MAST4: variants seen among roughly 807,000 people sequenced by gnomAD.
MAST4 encodes microtubule associated serine/threonine kinase family member 4.
In MAST4, 89 loss-of-function variants were observed where a neutral mutation model predicts 162.7. The observed-to-expected ratio is 0.55, with a 90% confidence interval of 0.46 to 0.65. The LOEUF (loss-of-function observed/expected upper bound fraction) is 0.65, where lower values mean the gene tolerates loss of function less well. Ranked by LOEUF, MAST4 falls within the 30% of genes least tolerant of loss-of-function variation. The pLI is 0.00. For missense variants in MAST4, 3,153 were observed against 3,374.0 expected, an observed-to-expected ratio of 0.93 and a Z score of 1.62; for synonymous variants, 1,479 against 1,361.1, an observed-to-expected ratio of 1.09 and a Z score of -1.91.
At chr5:67,091,035 G>A (rs1395691004) in intron 6 of MAST4, among the ~76,000 whole-genome samples, 7 of 151,658 alleles carry the variant, frequency 4.6e-5, no homozygotes, top group African/African-American at 1.5e-4. Context: ...TCGGTTTATG[G>A]TCTGAATGTC....
intron 1 of MAST4, among the ~76,000 whole-genome samples, chr5:66,629,295 A>G (rs1744646998): frequency 6.6e-6 from 1 of 152,174 alleles, no homozygotes; most frequent in Non-Finnish European, 1.5e-5. Context: ...TGGTTTTGAC[A>G]CTGGTGGTTT....
chr5:66,911,319 T>G (rs1455702460), intron 4 of MAST4, among the ~76,000 whole-genome samples: 1 of 152,188 alleles, frequency 6.6e-6, no homozygotes, highest in Non-Finnish European at 1.5e-5. Context: ...TATGTTTGAT[T>G]TGCATGTGGA....
chr5:66,672,006 A>G (rs1021934050), intron 1 of MAST4, among the ~76,000 whole-genome samples: 8 of 152,222 alleles, frequency 5.3e-5, no homozygotes, highest in Non-Finnish European at 8.8e-5. Context: ...AAACCCACCA[A>G]TGATGTGCAT....
chr5:67,165,501 TTC>T lies in MAST4; in HGVS notation c.6323_6324del (p.Phe2108SerfsTer12). 1 of 1,613,958 alleles carries T rather than the reference TTC, an allele frequency of 6.2e-7. No homozygotes were observed. Among genetic ancestry groups the T allele is most frequent in the Non-Finnish European group, 8.5e-7 (1 of 1,179,900 alleles). On this transcript the variant is annotated frameshift_variant, in exon 29 of 29. Transcript: ENST00000403625. LOFTEE classifies it low-confidence loss of function (END_TRUNC). ...ESEKSEKLSS[F>X]PSLQKDGAKE... ...TGAGAAGAGTGAAAAGCTCTCCAGTTTCCCATCTTTGCAGAAAGATGGTGCCA... is the reference window on the plus strand; with the variant it reads ...TGAGAAGAGTGAAAAGCTCTCCAGTTCCATCTTTGCAGAAAGATGGTGCCA...
chr5:66,814,346 G>A (rs992458189), intron 3 of MAST4, among the ~76,000 whole-genome samples: 27 of 152,018 alleles, frequency 1.8e-4, no homozygotes, highest in African/African-American at 6.3e-4. Context: ...TTATGGCCTC[G>A]GGCAAGCATT....
chr5:66,822,889 CCTGACCAAGGTTGGTAT>C (rs770603443), intron 3 of MAST4, among the ~76,000 whole-genome samples: 2 of 152,168 alleles, frequency 1.3e-5, no homozygotes, highest in Non-Finnish European at 2.9e-5. Flanking sequence ...CTGGAGTCAA[CCTGACCAAGGTTGGTAT>C]CTTATCCCAG....
chr5:67,002,279 T>G (rs1033282871), intron 4 of MAST4, among the ~76,000 whole-genome samples: 1 of 152,204 alleles, frequency 6.6e-6, no homozygotes, highest in Admixed American at 6.5e-5. Flanking sequence ...AATTCAGTAT[T>G]CTTTGAGAAT....
chr5:66,857,241 A>T (rs1011587501), intron 3 of MAST4, among the ~76,000 whole-genome samples: 7 of 152,214 alleles, frequency 4.6e-5, no homozygotes, highest in Admixed American at 1.3e-4. Flanking sequence ...CATTCATTTT[A>T]AGTGCTGGTT....
At chr5:66,876,924 T>C in intron 3 of MAST4, among the ~76,000 whole-genome samples, 1 of 152,224 alleles carries the variant, frequency 6.6e-6, no homozygotes, top group East Asian at 1.9e-4. Context: ...TATCACTGTG[T>C]GGAACCAAGC....
intron 18 of MAST4, among the ~76,000 whole-genome samples, chr5:67,135,237 G>A (rs983681536): frequency 7.9e-5 from 12 of 152,194 alleles, no homozygotes; most frequent in African/African-American, 2.9e-4. Flanking sequence ...TGTTATTTCT[G>A]TAACAGCTGT....
intron 4 of MAST4, chr5:66,917,236 C>T: frequency 2.1e-6 from 1 of 482,862 alleles, no homozygotes; most frequent in Non-Finnish European, 3.7e-6. Flanking sequence ...TCTTCATTTA[C>T]ATTTCTCTTT....
At chr5:66,991,187 T>A (rs1027020061) in intron 4 of MAST4, among the ~76,000 whole-genome samples, 1 of 152,194 alleles carries the variant, frequency 6.6e-6, no homozygotes, top group Non-Finnish European at 1.5e-5. Context: ...GTTCACTGTT[T>A]CCCACTTGTT....
intron 5 of MAST4, among the ~76,000 whole-genome samples, chr5:67,074,091 A>C (rs935476484): frequency 6.6e-6 from 1 of 152,094 alleles, no homozygotes; most frequent in Non-Finnish European, 1.5e-5. Context: ...GTTAAGTCAT[A>C]AAGAGCTTTT....
intron 1 of MAST4, among the ~76,000 whole-genome samples, chr5:66,694,233 G>C (rs1249168325): frequency 1.3e-5 from 2 of 152,168 alleles, no homozygotes; most frequent in African/African-American, 4.8e-5. Flanking sequence ...CCCCAGCTGA[G>C]TCTGAGGTAT....
At chr5:67,132,802 G>A (rs1769150990) in intron 16 of MAST4, among the ~76,000 whole-genome samples, 1 of 151,898 alleles carries the variant, frequency 6.6e-6, no homozygotes, top group Non-Finnish European at 1.5e-5. Flanking sequence ...TACAAAATTT[G>A]AAAAATGCAG....
intron 4 of MAST4, among the ~76,000 whole-genome samples, chr5:66,916,184 C>T (rs151037630): frequency 3.3e-5 from 5 of 152,200 alleles, no homozygotes; most frequent in East Asian, 1.9e-4. Context: ...AATTTTAATG[C>T]GACTACTAGA....
intron 4 of MAST4, among the ~76,000 whole-genome samples, chr5:66,979,341 A>G (rs187954498): frequency 6.6e-6 from 1 of 152,138 alleles, no homozygotes. Context: ...GGCAAAATCC[A>G]CCTTGCTCCT....
intron 3 of MAST4, among the ~76,000 whole-genome samples, chr5:66,835,758 G>A (rs1757921603): frequency 6.6e-6 from 1 of 152,160 alleles, no homozygotes; most frequent in African/African-American, 2.4e-5. Context: ...GCTTTTTAAA[G>A]TGTCTTAGAA....
chr5:66,899,953 G>A lies in MAST4; in HGVS notation c.645G>A (p.Lys215=). The change falls in exon 4 of 29, where the codon AAG becomes AAA. Residue 215 remains lysine (K), a splice_region_variant and synonymous_variant. Coordinates refer to ENST00000403625, the MANE Select transcript of MAST4 (RefSeq NM_001164664.2). The part of the protein sequence containing the change: ...QSAPSLTASL[K]ELSLPRRGSF... ...TATGGTTTTTTTTTCTTTTGCAGAA[G>A]GAGCTGAGTCTCCCCAGAAGAGGAA... 8 of 1,515,020 alleles carry A rather than the reference G, an allele frequency of 5.3e-6. No individual in the cohort carries two copies. The highest frequency in any genetic ancestry group is 7.1e-6 in the Non-Finnish European group (8 of 1,133,948). 93.8% of individuals were successfully genotyped at this position (1,515,020 alleles called of 1,614,324 possible).
Sources: gnomAD v4.1 joint callset for allele counts (sites outside exome capture counted in the v4.1 genomes callset) on GRCh38, gnomAD v4.1.1 for gene constraint, MANE v1.5 for transcripts, NCBI Gene and HGNC (gene_info 2026-07-23, HGNC 2026-07-21) for gene names.